Variants in PCDHGB5 observed in about 807,000 individuals in gnomAD.
PCDHGB5 encodes the protein protocadherin gamma subfamily B, 5, also known as protocadherin gamma-B5.
In PCDHGB5, 48 loss-of-function variants were observed where a neutral mutation model predicts 62.9. That is an observed-to-expected ratio of 0.76 (90% CI 0.61 to 0.97). The LOEUF is 0.97. PCDHGB5 is among the 50% of genes least tolerant of loss of function. PCDHGB5 has a pLI of 0.00. For synonymous variants in PCDHGB5, 474 were observed against 511.2 expected (o/e 0.93, Z 0.98); for missense variants, 1,118 against 1,198.6 (o/e 0.93, Z 0.99).
In PCDHGB5 at chr5:141,399,865, C is replaced by T; in HGVS notation, c.1738C>T (p.Pro580Ser). The T allele has an allele frequency of 6.2e-7, 1 of 1,612,866 alleles. No homozygotes were observed. Among genetic ancestry groups the T allele is most frequent in the African/African-American group, 1.3e-5 (1 of 75,052 alleles). Residue 580 changes from proline (P) to serine (S), a missense_variant, in exon 1 of 4, where the codon CCC (proline) becomes TCC (serine). Physicochemically the swap from Pro to Ser is moderately conservative, Grantham distance 74 (BLOSUM62 -1). Transcript: ENST00000617380. ...LFDMVPRAAE[P>S]GYLVTKVVAV... ...CGATATGGTGCCGCGCGCTGCAGAG[C>T]CCGGCTACCTGGTGACCAAGGTAGT...
At position 141,490,688 on chromosome 5, in the gene PCDHGB5, C is replaced by A; in HGVS notation, c.2398-4119C>A. ...ACTGTGGCTGCCTCAGATCCAGACA[C>A]TGGGGATAATGCCCGCCTCACCTAC... On this transcript the variant is annotated intron_variant, in intron 1 of 3. Coordinates refer to ENST00000617380, the MANE Select transcript of PCDHGB5 (RefSeq NM_018925.3). The surrounding 1 kb of genome is among the most constrained non-coding windows in gnomAD (Gnocchi z 5.4). The A allele has an allele frequency of 6.2e-7, 1 of 1,614,218 alleles. No individual in the cohort carries two copies. The highest frequency in any genetic ancestry group is 8.5e-7 in the Non-Finnish European group (1 of 1,180,032).
chr5:141,470,459 A>T (rs59770804), intron 1 of PCDHGB5, among the ~76,000 whole-genome samples: 32,627 of 152,034 alleles, frequency 0.21, 3,610 homozygotes, highest in African/African-American at 0.27. Context: ...CTTGAATAGG[A>T]TTTTCTGATA....
intron 1 of PCDHGB5, among the ~76,000 whole-genome samples, chr5:141,448,274 T>G (rs2098579713): frequency 6.6e-6 from 1 of 152,196 alleles, no homozygotes; most frequent in South Asian, 2.1e-4. Context: ...TATATACTGT[T>G]GTGCAACTTG....
At position 141,511,393 on chromosome 5, in the gene PCDHGB5, C is replaced by G. The variant is rs1257680621; in HGVS notation, c.*220C>G. The G allele has an allele frequency of 2.8e-6, 3 of 1,067,816 alleles. No individual in the cohort carries two copies. The highest frequency in any genetic ancestry group is 3.9e-6 in the Non-Finnish European group (3 of 764,518). The allele number at this position is 1,067,816 out of a possible 1,614,324, so 66.1% of individuals were successfully genotyped here. A position where few individuals can be genotyped will look rare whatever the true frequency, so the allele number is the denominator to read the frequency against. On this transcript the variant is annotated 3_prime_UTR_variant, in exon 4 of 4. Coordinates refer to ENST00000617380, the MANE Select transcript of PCDHGB5 (RefSeq NM_018925.3). ...CAAAAGCAGTTCCGCTGGGAACCCC[C>G]ATCCAATCAACTGCTGTACCCATGG...
rs757165628 is a variant in PCDHGB5 at position 141,399,679 on chromosome 5, T to C, written c.1552T>C (p.Tyr518His). The C allele has an allele frequency of 2.5e-6, 4 of 1,613,560 alleles. No individual in the cohort carries two copies. The highest frequency in any genetic ancestry group is 2.2e-5 in the South Asian group (2 of 91,072). ...GGTGTTCGCGCAGCGCGCCTTTGAC[T>C]ACGAGCAGCTGCGCACCTTCGAACT... ...GVVFAQRAFD[Y>H]EQLRTFELTL... The change falls in exon 1 of 4, where the codon TAC becomes CAC. Residue 518 changes from tyrosine to histidine, a missense_variant. Around this residue, in one of 2 missense-constraint regions of PCDHGB5, gnomAD observed 1,034 missense variants for 1,029.1 expected, o/e 1.00. Coordinates refer to ENST00000617380, the MANE Select transcript of PCDHGB5 (RefSeq NM_018925.3).
At chr5:141,462,474 C>T (rs2099040477) in intron 1 of PCDHGB5, among the ~76,000 whole-genome samples, 1 of 151,994 alleles carries the variant, frequency 6.6e-6, no homozygotes, top group South Asian at 2.1e-4. Flanking sequence ...TATTCTGCTT[C>T]TCGTGGTTGT....
intron 1 of PCDHGB5, among the ~76,000 whole-genome samples, chr5:141,451,073 C>A (rs1346074089): frequency 6.6e-6 from 1 of 151,958 alleles, no homozygotes; most frequent in Non-Finnish European, 1.5e-5. Flanking sequence ...TGTGATCCAC[C>A]CACCTTGACC....
chr5:141,500,184 TTTTA>T (rs58019021), intron 2 of PCDHGB5, among the ~76,000 whole-genome samples: 6,359 of 135,894 alleles, frequency 0.047, 285 homozygotes, highest in African/African-American at 0.12. Context: ...TCATTTTTAT[TTTTA>T]TTTATTTATT....
intron 1 of PCDHGB5, among the ~76,000 whole-genome samples, chr5:141,436,884 G>T (rs1041906146): frequency 6.6e-6 from 1 of 152,190 alleles, no homozygotes; most frequent in Non-Finnish European, 1.5e-5. Context: ...AAAAGATGGG[G>T]GAAAGATTTT....
chr5:141,504,380 C>T (rs943816582), intron 2 of PCDHGB5, among the ~76,000 whole-genome samples: 1 of 152,088 alleles, frequency 6.6e-6, no homozygotes, highest in African/African-American at 2.4e-5. Flanking sequence ...GGTGGAGTCG[C>T]TGCCTCACAG....
chr5:141,492,552 T>A (rs1444534113), intron 1 of PCDHGB5, among the ~76,000 whole-genome samples: 1 of 152,084 alleles, frequency 6.6e-6, no homozygotes, highest in African/African-American at 2.4e-5. Context: ...CCGGGTCGCC[T>A]GGGGGGCGGC....
At chr5:141,500,370 G>C (rs766183384) in intron 2 of PCDHGB5, among the ~76,000 whole-genome samples, 1 of 151,644 alleles carries the variant, frequency 6.6e-6, no homozygotes, top group Non-Finnish European at 1.5e-5. Flanking sequence ...TACCACGCCC[G>C]GCTAATTATT....
At position 141,502,866 on chromosome 5, in the gene PCDHGB5, C is replaced by CTTTTTTTTTTT. The variant is rs549047197; in HGVS notation, c.2457-2523_2457-2513dup. Among the ~76,000 whole-genome samples the CTTTTTTTTTTT allele has an allele frequency of 4.4e-4, 56 of 128,014 alleles. 1 individual carries two copies. The highest frequency in any genetic ancestry group is 5.1e-4 in the Non-Finnish European group (32 of 62,412). The allele number at this position is 128,014 out of a possible 152,430, so 84.0% of individuals were successfully genotyped here. ...GAGCTGCCTAACCCTGACTCTCTGTCTTTTTTTTTTTTTTGACAGGGAGTC... is the reference window on the plus strand; with the variant it reads ...GAGCTGCCTAACCCTGACTCTCTGTCTTTTTTTTTTTTTTTTTTTTTTTTTGACAGGGAGTC... On this transcript the variant is annotated intron_variant, in intron 2 of 3. Coordinates refer to ENST00000617380, the MANE Select transcript of PCDHGB5 (RefSeq NM_018925.3).
At chr5:141,502,398 C>T (rs1303456458) in intron 2 of PCDHGB5, among the ~76,000 whole-genome samples, 1 of 151,688 alleles carries the variant, frequency 6.6e-6, no homozygotes, top group Non-Finnish European at 1.5e-5. Flanking sequence ...TTAAAATGTC[C>T]CCGAACCTGG....
intron 1 of PCDHGB5, among the ~76,000 whole-genome samples, chr5:141,439,371 TA>T (rs1008614540): frequency 7.2e-5 from 11 of 152,034 alleles, no homozygotes; most frequent in Non-Finnish European, 1.0e-4. Flanking sequence ...CAAGAAGAAA[TA>T]AAAATAAGTC....
chr5:141,466,344 T>G (rs1036472951), intron 1 of PCDHGB5, among the ~76,000 whole-genome samples: 5 of 152,106 alleles, frequency 3.3e-5, no homozygotes, highest in African/African-American at 4.8e-5. Flanking sequence ...ATAATTTTTT[T>G]GCAGCTAATC....
chr5:141,404,594 T>C (rs778412256), intron 1 of PCDHGB5: 6 of 1,614,050 alleles, frequency 3.7e-6, no homozygotes, highest in South Asian at 1.1e-5. Flanking sequence ...CAATGTGTCA[T>C]TGAGACTGTT....
intron 1 of PCDHGB5, chr5:141,404,187 G>A (rs370199750): frequency 3.1e-6 from 5 of 1,613,124 alleles, no homozygotes; most frequent in African/African-American, 1.3e-5. Context: ...ATTCTTGACC[G>A]AGAAAAAGCC....
At chr5:141,466,275 A>G (rs1163982252) in intron 1 of PCDHGB5, among the ~76,000 whole-genome samples, 1 of 152,112 alleles carries the variant, frequency 6.6e-6, no homozygotes. Context: ...AGCTCAAGCA[A>G]TCTTCCCACC....
Sources: allele counts gnomAD v4.1 joint callset (sites outside exome capture counted in the v4.1 genomes callset), GRCh38; gene constraint gnomAD v4.1.1; regional missense constraint gnomAD v4.1.1; non-coding constraint Gnocchi (gnomAD v3.1); transcripts MANE v1.5; gene names NCBI Gene and HGNC (gene_info 2026-07-23, HGNC 2026-07-21).